NRXN3: variants seen among roughly 807,000 people sequenced by gnomAD.
NRXN3 encodes the protein neurexin 3.
A neutral mutation model predicts 137.6 loss-of-function variants in NRXN3; 32 were observed. The ratio of observed to expected loss-of-function variants is 0.23; its 90% confidence interval spans 0.18 to 0.31. The LOEUF is 0.31. Among genes scored for constraint, NRXN3 ranks in the 10% least tolerant of loss-of-function variants. The pLI, the probability that NRXN3 is intolerant of heterozygous loss-of-function variation, is 1.00. For missense variants in NRXN3, 1,574 were observed against 2,062.5 expected (o/e 0.76, Z 4.59); for synonymous variants, 798 against 784.5 (o/e 1.02, Z -0.29).
chr14:78,569,169 G>A (rs868370485), intron 4 of NRXN3, among the ~76,000 whole-genome samples: 35 of 150,568 alleles, frequency 2.3e-4, no homozygotes, highest in African/African-American at 5.9e-4. Flanking sequence ...GGGTTTCACC[G>A]TGTTAGCCAG....
At chr14:78,731,527 A>G (rs1052772379) in intron 8 of NRXN3, among the ~76,000 whole-genome samples, 4 of 151,930 alleles carry the variant, frequency 2.6e-5, no homozygotes, top group African/African-American at 9.7e-5. Flanking sequence ...ATAATTGAGC[A>G]TAACTGTACC....
At chr14:79,250,164 G>A (rs935475456) in intron 15 of NRXN3, among the ~76,000 whole-genome samples, 1 of 152,072 alleles carries the variant, frequency 6.6e-6, no homozygotes, top group East Asian at 1.9e-4. Context: ...AGTAAAAATA[G>A]TAAGTGTGTA....
chr14:78,340,959 A>C (rs1046959732), intron 4 of NRXN3, among the ~76,000 whole-genome samples: 1 of 152,232 alleles, frequency 6.6e-6, no homozygotes, highest in African/African-American at 2.4e-5. Flanking sequence ...TTATTTAGCA[A>C]ATAAAAATAT....
At chr14:78,790,694 G>A (rs2098802731) in intron 8 of NRXN3, among the ~76,000 whole-genome samples, 1 of 152,140 alleles carries the variant, frequency 6.6e-6, no homozygotes, top group Non-Finnish European at 1.5e-5. Context: ...TGTCTTGAAG[G>A]TACAGAAAGA....
chr14:78,502,081 G>A (rs1245437624), intron 4 of NRXN3, among the ~76,000 whole-genome samples: 12 of 152,092 alleles, frequency 7.9e-5, no homozygotes, highest in Non-Finnish European at 2.9e-5. Flanking sequence ...GTCCCTGCAG[G>A]AGCCTCATGG....
chr14:79,543,546 G>A (rs533461785), intron 16 of NRXN3, among the ~76,000 whole-genome samples: 1 of 152,298 alleles, frequency 6.6e-6, no homozygotes, highest in Non-Finnish European at 1.5e-5. Flanking sequence ...GGGTGATTGG[G>A]CTTGGGTTGG....
At chr14:79,603,309 T>TA in intron 16 of NRXN3, among the ~76,000 whole-genome samples, 1 of 152,354 alleles carries the variant, frequency 6.6e-6, no homozygotes, top group South Asian at 2.1e-4. Flanking sequence ...ATTTGGTAGC[T>TA]AATACATCTT....
intron 4 of NRXN3, among the ~76,000 whole-genome samples, chr14:78,411,662 C>G (rs745328362): frequency 6.6e-6 from 1 of 152,310 alleles, no homozygotes; most frequent in South Asian, 2.1e-4. Flanking sequence ...GCCCAGAGGA[C>G]CTCATCTGGT....
intron 2 of NRXN3, among the ~76,000 whole-genome samples, chr14:78,257,923 T>G (rs1385739936): frequency 1.3e-5 from 2 of 152,076 alleles, no homozygotes; most frequent in Non-Finnish European, 2.9e-5. Flanking sequence ...GAGAGGAGTC[T>G]GTATTAAGGG....
intron 16 of NRXN3, among the ~76,000 whole-genome samples, chr14:79,502,104 C>T (rs1281062727): frequency 1.3e-5 from 2 of 152,154 alleles, no homozygotes; most frequent in Admixed American, 6.5e-5. Flanking sequence ...CAGTGAATGA[C>T]ACTCATTGAC....
At chr14:78,846,323 G>A (rs149235181) in intron 10 of NRXN3, among the ~76,000 whole-genome samples, 1 of 152,160 alleles carries the variant, frequency 6.6e-6, no homozygotes, top group East Asian at 1.9e-4. Flanking sequence ...TCTGTCTCCT[G>A]GGATTCTGAA....
chr14:78,215,471 AACAGGGC>A (rs990764403), intron 1 of NRXN3, among the ~76,000 whole-genome samples: 6 of 152,150 alleles, frequency 3.9e-5, no homozygotes. Flanking sequence ...CAGGCTCCCA[AACAGGGC>A]ACAAAGCAAG....
intron 6 of NRXN3, among the ~76,000 whole-genome samples, chr14:78,676,997 T>A (rs907802130): frequency 6.6e-6 from 1 of 152,202 alleles, no homozygotes; most frequent in Non-Finnish European, 1.5e-5. Context: ...AAGTATTTTA[T>A]GTAAAAATAT....
intron 10 of NRXN3, among the ~76,000 whole-genome samples, chr14:78,953,159 G>A (rs999943093): frequency 2.0e-5 from 3 of 152,206 alleles, no homozygotes; most frequent in Admixed American, 1.3e-4. Flanking sequence ...TTATGAAGGT[G>A]TGTGCCTTTA....
intron 16 of NRXN3, among the ~76,000 whole-genome samples, chr14:79,536,583 AT>A (rs773199748): frequency 2.0e-5 from 3 of 152,034 alleles, no homozygotes; most frequent in Non-Finnish European, 2.9e-5. Context: ...CCCTGCATGC[AT>A]TAACTATTTA....
At chr14:79,365,649 G>A (rs1022906503) in intron 15 of NRXN3, among the ~76,000 whole-genome samples, 19 of 147,792 alleles carry the variant, frequency 1.3e-4, no homozygotes, top group African/African-American at 4.7e-4. Flanking sequence ...AACCCGGGAA[G>A]CGGAGCTTGC....
intron 16 of NRXN3, among the ~76,000 whole-genome samples, chr14:79,647,888 G>C (rs1353779181): frequency 1.5e-5 from 2 of 135,032 alleles, no homozygotes; most frequent in African/African-American, 4.9e-5. Flanking sequence ...AGAAAATTGA[G>C]GTTCAGAGAG....
intron 15 of NRXN3, among the ~76,000 whole-genome samples, chr14:79,127,052 T>G (rs1188319210): frequency 6.6e-6 from 1 of 152,110 alleles, no homozygotes; most frequent in African/African-American, 2.4e-5. Flanking sequence ...TTTGTTTGAG[T>G]TCATTGTAGA....
At chr14:78,216,625 G>C (rs1367219277) in intron 1 of NRXN3, among the ~76,000 whole-genome samples, 2 of 152,210 alleles carry the variant, frequency 1.3e-5, no homozygotes, top group Admixed American at 6.5e-5. Context: ...GCAATGCAGC[G>C]AGTTTGAAAA....
Sources: allele counts gnomAD v4.1 joint callset (sites outside exome capture counted in the v4.1 genomes callset), GRCh38; gene constraint gnomAD v4.1.1; transcripts MANE v1.5; gene names NCBI Gene and HGNC (gene_info 2026-07-23, HGNC 2026-07-21).